COL4A1: variants seen among roughly 807,000 people sequenced by gnomAD.
The protein encoded by COL4A1 is collagen type IV alpha 1 chain, also known as collagen alpha-1(IV) chain.
COL4A1 carries 40 observed loss-of-function variants against 216.6 expected under a neutral mutation model. The observed-to-expected ratio is 0.18, with a 90% CI of 0.14 to 0.24. The LOEUF (loss-of-function observed/expected upper bound fraction) is 0.24. COL4A1 is among the 10% of genes least tolerant of loss of function. The pLI, the probability that COL4A1 is intolerant of heterozygous loss-of-function variation, is 1.00. For missense variants in COL4A1, 1,628 were observed against 2,196.8 expected (o/e 0.74, Z 5.18); for synonymous variants, 839 against 810.7 (o/e 1.03, Z -0.59).
chr13:110,178,275 G>A, intron 31 of COL4A1, 44 bp from the exon 32 acceptor site: 6 of 1,610,626 alleles, frequency 3.7e-6, no homozygotes, highest in Non-Finnish European at 5.1e-6. Context: ...AGAATTTACA[G>A]AATGATCTAC....
intron 2 of COL4A1, among the ~76,000 whole-genome samples, chr13:110,220,270 T>C (rs1045639749): frequency 3.3e-5 from 5 of 152,092 alleles, no homozygotes; most frequent in African/African-American, 7.2e-5. Context: ...AAAAACACAT[T>C]TAATACACCT....
At chr13:110,234,032 C>A (rs1881186951) in intron 2 of COL4A1, among the ~76,000 whole-genome samples, 1 of 152,222 alleles carries the variant, frequency 6.6e-6, no homozygotes, top group Non-Finnish European at 1.5e-5. Context: ...ACACTTATTG[C>A]AACTTCAAAA....
At chr13:110,194,521 T>C (rs1878788468) in intron 22 of COL4A1, among the ~76,000 whole-genome samples, 1 of 152,098 alleles carries the variant, frequency 6.6e-6, no homozygotes, top group Admixed American at 6.5e-5. Context: ...CTTGGAAAGA[T>C]TAAAGATGGA....
chr13:110,180,137 T>TGGAACAAA (rs1185972623), intron 29 of COL4A1, among the ~76,000 whole-genome samples: 1 of 152,166 alleles, frequency 6.6e-6, no homozygotes, highest in Admixed American at 6.5e-5. Context: ...AGAAGGAAAT[T>TGGAACAAA]CTCAAAATGG....
chr13:110,281,126 T>A (rs1009191462), intron 1 of COL4A1, among the ~76,000 whole-genome samples: 1 of 152,152 alleles, frequency 6.6e-6, no homozygotes, highest in African/African-American at 2.4e-5. Flanking sequence ...TTTGACACCA[T>A]CAACTGGCTT....
At chr13:110,201,245 GGAGGAGGAGGAAGAGGAGAAA>G (rs1879182540) in intron 19 of COL4A1, 172 bp downstream of exon 19, 6 of 464,322 alleles carry the variant, frequency 1.3e-5, no homozygotes, top group Non-Finnish European at 2.3e-5. Flanking sequence ...GAGAGAAGGA[GGAGGAGGAGGAAGAGGAGAAA>G]GAGGAGGAGG....
chr13:110,182,250 G>A (rs73611423), intron 28 of COL4A1, among the ~76,000 whole-genome samples: 14,753 of 152,208 alleles, frequency 0.097, 794 homozygotes, highest in African/African-American at 0.15. Flanking sequence ...AGGGGCTGCC[G>A]TCTCCTGTTC....
rs777362002 is a variant in COL4A1 at position 110,175,231 on chromosome 13, A to C, written c.3185T>G (p.Leu1062Arg). Residue 1062 changes from leucine (L) to arginine (R), a missense_variant, in exon 37 of 52, where the codon CTG becomes CGG. Leu to Arg is a moderately radical substitution (Grantham distance 102). Around this residue, in one of 8 missense-constraint regions of COL4A1, gnomAD observed 345 missense variants for 476.9 expected, o/e 0.72. Coordinates refer to ENST00000375820, the MANE Select transcript of COL4A1 (RefSeq NM_001845.6). ...AGPPGIGIPGLRGEKGDQGIA... is the reference protein window; with the variant it reads ...AGPPGIGIPGRRGEKGDQGIA... ...AGCGCTGGTTACCTTTTCACCTCGC[A>C]GCCCTGGGATGCCTATGCCAGGTGG... The C allele has an allele frequency of 6.2e-7, 1 of 1,614,218 alleles. No homozygotes were observed. Among genetic ancestry groups the C allele is most frequent in the South Asian group, 1.1e-5 (1 of 91,090 alleles).
Position 110,199,325 on chromosome 13 carries a change from G to A in COL4A1, c.1121-694C>T, listed in dbSNP as rs148547757. Among the ~76,000 whole-genome samples, 4 of 152,348 alleles carry A rather than the reference G, an allele frequency of 2.6e-5. No individual in the cohort carries two copies. In the East Asian group the frequency reaches 7.7e-4, roughly 29 times the overall value. ...AGTGTGAGAAAAAGGACAGTCGAGG[G>A]AAACAGGACGCAGGAAGACTTGGCA... On this transcript the variant is annotated intron_variant, in intron 20 of 51. Transcript: ENST00000375820.
At chr13:110,233,660 T>C (rs1365050170) in intron 2 of COL4A1, among the ~76,000 whole-genome samples, 1 of 152,126 alleles carries the variant, frequency 6.6e-6, no homozygotes, top group African/African-American at 2.4e-5. Context: ...AGGAGAGTCG[T>C]TTTCCTCACA....
chr13:110,152,990 G>A (rs1876580749), intron 50 of COL4A1, among the ~76,000 whole-genome samples: 1 of 152,068 alleles, frequency 6.6e-6, no homozygotes, highest in African/African-American at 2.4e-5. Context: ...TCTTTAAAAA[G>A]AGAGAAAAAC....
At chr13:110,173,772 G>A in intron 40 of COL4A1, 128 bp downstream of exon 40, 2 of 1,009,698 alleles carry the variant, frequency 2.0e-6, no homozygotes, top group Admixed American at 3.9e-5. Flanking sequence ...CAGTGTTTAA[G>A]TAGTTGCAGG....
chr13:110,263,026 T>A (rs576645999), intron 1 of COL4A1, among the ~76,000 whole-genome samples: 1 of 152,118 alleles, frequency 6.6e-6, no homozygotes, highest in Non-Finnish European at 1.5e-5. Context: ...TGAACCAAAT[T>A]TCTCCAGAGC....
At chr13:110,198,859 G>A (rs886617002) in intron 20 of COL4A1, among the ~76,000 whole-genome samples, 7 of 152,186 alleles carry the variant, frequency 4.6e-5, no homozygotes, top group Non-Finnish European at 5.9e-5. Context: ...GACTCATTAC[G>A]TAGATATTAA....
At chr13:110,195,159 G>A (rs1315849006) in intron 21 of COL4A1, 41 bp from the exon 22 acceptor site, 6 of 1,541,252 alleles carry the variant, frequency 3.9e-6, no homozygotes, top group Non-Finnish European at 5.4e-6. Flanking sequence ...ATAGCTAGGT[G>A]TTTTTACCCT....
chr13:110,171,499 A>G (rs1877641374), intron 41 of COL4A1, among the ~76,000 whole-genome samples: 1 of 152,234 alleles, frequency 6.6e-6, no homozygotes, highest in Non-Finnish European at 1.5e-5. Context: ...TTAAAAAATT[A>G]AAAAGTAACA....
intron 1 of COL4A1, among the ~76,000 whole-genome samples, chr13:110,250,499 T>C (rs9588125): frequency 0.15 from 22,739 of 152,154 alleles, 1,753 homozygotes; most frequent in Non-Finnish European, 0.17. Flanking sequence ...TCTTCCCTTT[T>C]TCCCACTAAA....
intron 1 of COL4A1, among the ~76,000 whole-genome samples, chr13:110,267,423 T>C (rs1283556250): frequency 6.6e-6 from 1 of 152,192 alleles, no homozygotes; most frequent in East Asian, 1.9e-4. Flanking sequence ...GTCATCTCAG[T>C]GCCTCCCCTT....
chr13:110,201,024 G>A (rs778315803), intron 19 of COL4A1, 135 bp from the exon 20 acceptor site: 16 of 938,224 alleles, frequency 1.7e-5, no homozygotes, highest in East Asian at 2.5e-5. Flanking sequence ...AAAACAGAGC[G>A]GGAGACCACC....
Sources: allele counts gnomAD v4.1 joint callset (sites outside exome capture counted in the v4.1 genomes callset), GRCh38; gene constraint gnomAD v4.1.1; regional missense constraint gnomAD v4.1.1; transcripts MANE v1.5; gene names NCBI Gene and HGNC (gene_info 2026-07-23, HGNC 2026-07-21).